SLC9A9: variants seen among roughly 807,000 people sequenced by gnomAD.
The protein encoded by SLC9A9 is sodium/hydrogen exchanger 9.
In SLC9A9, 62 loss-of-function variants were observed where a neutral mutation model predicts 77.8. The observed-to-expected ratio is 0.80, with a 90% CI of 0.65 to 0.98. SLC9A9 has a LOEUF of 0.98. Ranked by LOEUF, SLC9A9 falls within the 50% of genes least tolerant of loss-of-function variation. The pLI is 0.00. For missense variants in SLC9A9, 775 were observed against 774.9 expected (o/e 1.00, Z 0.00); for synonymous variants, 320 against 283.5 (o/e 1.13, Z -1.29).
At chr3:143,714,431 T>C (rs1378743275) in intron 4 of SLC9A9, among the ~76,000 whole-genome samples, 1 of 152,212 alleles carries the variant, frequency 6.6e-6, no homozygotes, top group African/African-American at 2.4e-5. Flanking sequence ...ATTTTACATT[T>C]TGAATTGGTT....
chr3:143,812,571 A>T (rs1481847299), intron 2 of SLC9A9, among the ~76,000 whole-genome samples: 1 of 152,216 alleles, frequency 6.6e-6, no homozygotes, highest in Admixed American at 6.5e-5. Flanking sequence ...TCAGACATGT[A>T]GACTACATTT....
chr3:143,321,328 T>C (rs1035153760), intron 14 of SLC9A9, among the ~76,000 whole-genome samples: 3 of 152,226 alleles, frequency 2.0e-5, no homozygotes, highest in African/African-American at 7.2e-5. Flanking sequence ...AGCAGATTTA[T>C]CATAGTGGTA....
intron 2 of SLC9A9, chr3:143,811,628 T>C: frequency 4.4e-6 from 2 of 452,228 alleles, no homozygotes; most frequent in East Asian, 1.4e-4. Context: ...GGTGGATCAT[T>C]TGAGGCCAGG....
intron 4 of SLC9A9, among the ~76,000 whole-genome samples, chr3:143,786,086 AC>A (rs2008048280): frequency 6.6e-6 from 1 of 151,500 alleles, no homozygotes; most frequent in Admixed American, 6.6e-5. Flanking sequence ...CGATCTCCTG[AC>A]CTCGTGATCC....
chr3:143,381,834 T>C, intron 13 of SLC9A9: 1 of 556,976 alleles, frequency 1.8e-6, no homozygotes, highest in African/African-American at 1.9e-5. Flanking sequence ...GACTTCCTGC[T>C]GCCATAGAGA....
chr3:143,724,030 G>A (rs570804126), intron 4 of SLC9A9, among the ~76,000 whole-genome samples: 11 of 152,296 alleles, frequency 7.2e-5, no homozygotes, highest in Non-Finnish European at 1.5e-4. Flanking sequence ...TCTGGAGATG[G>A]AAGTTCTTTC....
intron 4 of SLC9A9, among the ~76,000 whole-genome samples, chr3:143,713,548 A>C (rs1040074763): frequency 6.6e-6 from 1 of 152,192 alleles, no homozygotes; most frequent in Non-Finnish European, 1.5e-5. Flanking sequence ...TTATTGAAAA[A>C]TTGTCCAAAG....
intron 4 of SLC9A9, among the ~76,000 whole-genome samples, chr3:143,787,792 A>G (rs57830957): frequency 0.23 from 34,660 of 151,812 alleles, 4,708 homozygotes; most frequent in East Asian, 0.47. Flanking sequence ...GTCCGTAAGA[A>G]AAATACTTAG....
At chr3:143,827,920 C>T (rs189356449) in intron 2 of SLC9A9, among the ~76,000 whole-genome samples, 15 of 152,318 alleles carry the variant, frequency 9.8e-5, no homozygotes, top group Non-Finnish European at 1.9e-4. Flanking sequence ...ACTCTGACCT[C>T]CCTGCACTCT....
In SLC9A9 at chr3:143,266,216, C is replaced by T; in HGVS notation, c.*486G>A. The T allele has an allele frequency of 1.5e-6, 1 of 646,174 alleles. No homozygotes were observed. The highest frequency in any genetic ancestry group is 1.8e-5 in the African/African-American group (1 of 55,004). The allele number at this position is 646,174 out of a possible 1,614,324, so 40.0% of individuals were successfully genotyped here. On this transcript the variant is annotated 3_prime_UTR_variant, in exon 16 of 16. Coordinates refer to ENST00000316549, the MANE Select transcript of SLC9A9 (RefSeq NM_173653.4). Reference sequence around the variant, plus strand: ...GGGGTCACTGAGAGCAAATGGGAGTCAAGTCCTCAAAATAAGAAACTTATC... The same window carrying T: ...GGGGTCACTGAGAGCAAATGGGAGTTAAGTCCTCAAAATAAGAAACTTATC...
chr3:143,412,272 T>A (rs1340413421), intron 12 of SLC9A9, among the ~76,000 whole-genome samples: 2 of 151,848 alleles, frequency 1.3e-5, no homozygotes, highest in Non-Finnish European at 2.9e-5. Context: ...CTAACCTCAC[T>A]TTTGTTGGCC....
At chr3:143,800,748 G>A (rs1387273905) in intron 2 of SLC9A9, among the ~76,000 whole-genome samples, 1 of 152,082 alleles carries the variant, frequency 6.6e-6, no homozygotes, top group Non-Finnish European at 1.5e-5. Flanking sequence ...ATATATTGAT[G>A]ACCTTCTACT....
At chr3:143,275,655 T>G (rs1315725293) in intron 14 of SLC9A9, among the ~76,000 whole-genome samples, 1 of 152,210 alleles carries the variant, frequency 6.6e-6, no homozygotes, top group African/African-American at 2.4e-5. Context: ...TGACTTTTTC[T>G]ATTTCTAGAG....
At chr3:143,521,816 T>C (rs1262043519) in intron 9 of SLC9A9, among the ~76,000 whole-genome samples, 1 of 152,276 alleles carries the variant, frequency 6.6e-6, no homozygotes, top group African/African-American at 2.4e-5. Flanking sequence ...CTTTCATTTC[T>C]TTAAGTATAT....
In SLC9A9 at chr3:143,415,848, C is replaced by A. The variant is rs543410800; in HGVS notation, c.1470-33734G>T. 7.9e-5 allele frequency among the ~76,000 whole-genome samples: 12 copies of A among 152,334 alleles called. 1 individual carries two copies. In the South Asian group the frequency reaches 2.5e-3, roughly 32 times the overall value. ...AAGCAAATTGAAGATTCCTCTATCT[C>A]TATCTGGGCAAAGCAAATTGAAGAC... On this transcript the variant is annotated intron_variant, in intron 12 of 15. Transcript: ENST00000316549.
chr3:143,600,307 A>G lies in SLC9A9; in HGVS notation c.756-21584T>C, dbSNP rs561115214. Among the ~76,000 whole-genome samples, 25 of 152,194 alleles carry G rather than the reference A, an allele frequency of 1.6e-4. No homozygotes were observed. The South Asian group carries it at 3.9e-3, about 24-fold the overall frequency. On this transcript the variant is annotated intron_variant, in intron 6 of 15. Transcript: ENST00000316549. ...TGGTTTTCCGTTCCTGTGTTAGTTT[A>G]TTGAGAATGATGGTTTCCCATCAAC...
intron 4 of SLC9A9, among the ~76,000 whole-genome samples, chr3:143,748,232 AT>A (rs1935242563): frequency 6.6e-6 from 1 of 152,202 alleles, no homozygotes; most frequent in African/African-American, 2.4e-5. Context: ...GGCCCATGAT[AT>A]GCGGGCTCTG....
At chr3:143,411,400 T>C (rs2034094184) in intron 12 of SLC9A9, among the ~76,000 whole-genome samples, 1 of 152,224 alleles carries the variant, frequency 6.6e-6, no homozygotes, top group Non-Finnish European at 1.5e-5. Flanking sequence ...CTACTTCATA[T>C]CTTCTGCATT....
intron 9 of SLC9A9, among the ~76,000 whole-genome samples, chr3:143,530,996 A>G (rs1043236335): frequency 6.6e-6 from 1 of 152,268 alleles, no homozygotes; most frequent in African/African-American, 2.4e-5. Context: ...CAGAAAAAAC[A>G]CAACAAAATA....
Sources: allele counts gnomAD v4.1 joint callset (sites outside exome capture counted in the v4.1 genomes callset), GRCh38; gene constraint gnomAD v4.1.1; transcripts MANE v1.5; gene names NCBI Gene and HGNC (gene_info 2026-07-23, HGNC 2026-07-21).